NDRG2: variants seen among roughly 807,000 people sequenced by gnomAD.
NDRG2 encodes the protein NDRG family member 2.
In NDRG2, 34 loss-of-function variants were observed where a neutral mutation model predicts 58.2. The ratio of observed to expected loss-of-function variants is 0.58; its 90% confidence interval spans 0.44 to 0.78. The LOEUF is 0.78. Ranked by LOEUF, NDRG2 falls within the 30% of genes least tolerant of loss-of-function variation. The probability of loss-of-function intolerance (pLI) is 0.00; values close to 1 mark genes in which losing one functional copy is unlikely to be tolerated. For missense variants in NDRG2, 434 were observed against 471.2 expected, an observed-to-expected ratio of 0.92 and a Z score of 0.73; for synonymous variants, 187 against 175.9, an observed-to-expected ratio of 1.06 and a Z score of -0.50.
At chr14:21,053,605 C>T (rs561517248) in intron 1 of NDRG2, among the ~76,000 whole-genome samples, 31 of 151,814 alleles carry the variant, frequency 2.0e-4, no homozygotes, top group African/African-American at 5.1e-4. Flanking sequence ...CTAGCCTGGG[C>T]GGCAGAGCAA....
rs1317580546 is a variant in NDRG2 at position 21,070,794 on chromosome 14, A to G, written c.24+34T>C. ...CGGGTTGGTCCTGCAGCGACCCTGGAAGAGGCCCGGCCCCTCGGGTCATGA... is the reference window on the plus strand; with the variant it reads ...CGGGTTGGTCCTGCAGCGACCCTGGGAGAGGCCCGGCCCCTCGGGTCATGA... On this transcript the variant is annotated intron_variant, in intron 1 of 14. Transcript: ENST00000403829. The surrounding 1 kb of genome is among the most constrained non-coding windows in gnomAD (Gnocchi z 4.7). The G allele has an allele frequency of 1.3e-6, 2 of 1,534,794 alleles. No individual in the cohort carries two copies. The highest frequency in any genetic ancestry group is 1.7e-6 in the Non-Finnish European group (2 of 1,146,434).
chr14:21,032,978 G>A (rs764642091), intron 1 of NDRG2: 133 of 456,004 alleles, frequency 2.9e-4, no homozygotes, highest in Non-Finnish European at 4.4e-4. Context: ...ATTAGAGCCG[G>A]GCCTGCCTCA....
intron 1 of NDRG2, chr14:21,032,323 C>G (rs1206237627): frequency 3.3e-6 from 2 of 606,068 alleles, no homozygotes; most frequent in Admixed American, 4.3e-5. Context: ...TCAACAGCTG[C>G]TTCCAAGAAC....
upstream of NDRG2, chr14:21,030,359 T>A (rs1883985883): frequency 1.8e-6 from 1 of 555,186 alleles, no homozygotes; most frequent in East Asian, 3.0e-5. Context: ...GGATCCACAC[T>A]GGTATCTCCA....
upstream of NDRG2, chr14:21,030,351 A>T (rs912589937): frequency 9.2e-6 from 5 of 541,394 alleles, no homozygotes; most frequent in South Asian, 2.2e-5. Flanking sequence ...AGTAGGTAGG[A>T]TCCACACTGG....
chr14:21,025,668 T>G (rs377144107), upstream of NDRG2: 383 of 983,822 alleles, frequency 3.9e-4, no homozygotes, highest in African/African-American at 6.1e-3. The surrounding 1 kb of genome is among the most constrained non-coding windows in gnomAD (Gnocchi z 5.1). Flanking sequence ...GTGCCCAGAG[T>G]CCTGGTACCT....
chr14:21,017,911 C>A (rs1444061798), intron 15 of NDRG2, 76 bp downstream of exon 15: 1 of 1,611,984 alleles, frequency 6.2e-7, no homozygotes, highest in Non-Finnish European at 8.5e-7. Context: ...TGAGTCCAGG[C>A]ATTCACCTAA....
chr14:21,017,677 G>A lies in NDRG2; in HGVS notation c.1035C>T (p.Arg345=). The change falls in exon 16 of 16, where the codon CGC becomes CGT. Residue 345 remains arginine (R), a synonymous_variant. Coordinates refer to ENST00000556147, the MANE Select transcript of NDRG2 (RefSeq NM_001320329.2). ...CGCTGCTCTGGGACAGGGTGCGAGAGCGGGACCGGTTGCCATCAACGGATG... is the reference window on the plus strand; with the variant it reads ...CGCTGCTCTGGGACAGGGTGCGAGAACGGGACCGGTTGCCATCAACGGATG... ...SAASVDGNRS[R]SRTLSQSSES... The A allele has an allele frequency of 6.2e-7, 1 of 1,611,640 alleles. No homozygotes were observed. Among genetic ancestry groups the A allele is most frequent in the Non-Finnish European group, 8.5e-7 (1 of 1,178,848 alleles).
intron 6 of NDRG2, 104 bp from the exon 7 acceptor site, chr14:21,020,948 C>T (rs1376075637): frequency 7.9e-7 from 1 of 1,263,202 alleles, no homozygotes; most frequent in East Asian, 2.3e-5. Context: ...TCCACGGGCA[C>T]AAAGAAAGGC....
At chr14:21,041,183 C>T (rs540209075) in intron 1 of NDRG2, among the ~76,000 whole-genome samples, 22 of 152,214 alleles carry the variant, frequency 1.4e-4, no homozygotes, top group African/African-American at 5.1e-4. Context: ...TTTATAGAGA[C>T]AGGGTTTCGC....
intron 1 of NDRG2, among the ~76,000 whole-genome samples, chr14:21,046,571 A>ATACG (rs1885170417): frequency 6.6e-6 from 1 of 152,072 alleles, no homozygotes; most frequent in African/African-American, 2.4e-5. Flanking sequence ...ACATACATAC[A>ATACG]TACATACATA....
At chr14:21,019,202 G>T in intron 10 of NDRG2, 42 bp from the exon 11 acceptor site, 2 of 1,550,850 alleles carry the variant, frequency 1.3e-6, no homozygotes, top group Non-Finnish European at 1.8e-6. Flanking sequence ...GGTGGGCAAT[G>T]CTATCTAACC....
chr14:21,030,564 C>A, upstream of NDRG2: 3 of 1,611,734 alleles, frequency 1.9e-6, no homozygotes, highest in Non-Finnish European at 2.5e-6. Context: ...GACTGCCCTC[C>A]CCGACCTCTA....
Position 21,058,096 on chromosome 14 carries a change from C to T in NDRG2, c.24+12732G>A, listed in dbSNP as rs1050712284. The T allele has an allele frequency of 1.9e-6, 3 of 1,614,084 alleles. No individual in the cohort carries two copies. In the African/African-American group the frequency reaches 4.0e-5, roughly 22 times the overall value. ...ACACAGAACGGTGCAAAGACCTCAA[C>T]ACCTTCCTGCACGAGCCCTTCTCCA... is the stretch of plus-strand genomic sequence containing the variant. On this transcript the variant is annotated intron_variant, in intron 1 of 14. Transcript: ENST00000403829.
At position 21,070,702 on chromosome 14, in the gene NDRG2, G is replaced by C; in HGVS notation, c.24+126C>G. On this transcript the variant is annotated intron_variant, in intron 1 of 14. Coordinates refer to the NDRG2 transcript ENST00000403829. This position sits in a 1 kb window ranked among gnomAD's most constrained non-coding sequence, Gnocchi z 4.7. The stretch of plus-strand genomic sequence containing the variant: ...TCCCCGCCCTCCTCTGTCCTGACCT[G>C]TGCCTTCCTTTCCTGGAGCTTCCCT... 2 of 1,137,368 alleles carry C rather than the reference G, an allele frequency of 1.8e-6. No homozygotes were observed. Among genetic ancestry groups the C allele is most frequent in the East Asian group, 2.6e-5 (1 of 38,832 alleles). 70.5% of individuals were successfully genotyped at this position (1,137,368 alleles called of 1,614,324 possible).
intron 4 of NDRG2, 23 bp downstream of exon 4, chr14:21,022,369 G>A (rs1881005965): frequency 2.5e-6 from 4 of 1,598,812 alleles, no homozygotes; most frequent in Admixed American, 3.3e-5. Flanking sequence ...AGACAGGAGT[G>A]GGAGATGAAT....
Position 21,021,765 on chromosome 14 carries a change from T to A in NDRG2, c.407+52A>T, listed in dbSNP as rs375337326. 7 of 1,576,854 alleles carry A rather than the reference T, an allele frequency of 4.4e-6. No homozygotes were observed. Among genetic ancestry groups the A allele is most frequent in the Non-Finnish European group, 6.0e-6 (7 of 1,157,170 alleles). On this transcript the variant is annotated intron_variant, in intron 6 of 15. Coordinates refer to ENST00000556147, the MANE Select transcript of NDRG2 (RefSeq NM_001320329.2). ...GGTGAACCTGGAAGTTCTAAGGGTC[T>A]CCTTGTGCTGGAAAGAGAACTCTGG...
upstream of NDRG2, chr14:21,030,587 A>C: frequency 6.2e-7 from 1 of 1,613,384 alleles, no homozygotes; most frequent in African/African-American, 1.3e-5. Context: ...TGACCATGGC[A>C]TCAGAGGCAG....
At chr14:21,023,108 G>A in intron 2 of NDRG2, 133 bp downstream of exon 2, 2 of 910,444 alleles carry the variant, frequency 2.2e-6, no homozygotes, top group Non-Finnish European at 3.5e-6. Context: ...TAGTGTATGG[G>A]GAGAGAGACT....
Sources: allele counts gnomAD v4.1 joint callset (sites outside exome capture counted in the v4.1 genomes callset), GRCh38; gene constraint gnomAD v4.1.1; non-coding constraint Gnocchi (gnomAD v3.1); transcripts MANE v1.5; gene names NCBI Gene and HGNC (gene_info 2026-07-23, HGNC 2026-07-21).